The following UBAC2 variants were observed in gnomAD, a reference collection of about 807,000 sequenced individuals.
The protein encoded by UBAC2 is ubiquitin-associated domain-containing protein 2.
A neutral mutation model predicts 44.0 loss-of-function variants in UBAC2; 26 were observed. The observed-to-expected ratio is 0.59, with a 90% CI of 0.43 to 0.82. The LOEUF is 0.82. Ranked by LOEUF, UBAC2 falls within the 40% of genes least tolerant of loss-of-function variation. The pLI is 0.00. For missense variants in UBAC2, 329 were observed against 419.4 expected, an observed-to-expected ratio of 0.78 and a Z score of 1.88; for synonymous variants, 155 against 154.3, an observed-to-expected ratio of 1.00 and a Z score of -0.04.
chr13:99,345,492 CTAAAT>C (rs2044961153), intron 7 of UBAC2, among the ~76,000 whole-genome samples: 1 of 152,046 alleles, frequency 6.6e-6, no homozygotes, highest in Admixed American at 6.5e-5. Context: ...TGTTCACTCC[CTAAAT>C]AGGTTGTTTC....
chr13:99,269,800 T>A (rs2043793800), intron 4 of UBAC2, among the ~76,000 whole-genome samples: 2 of 152,328 alleles, frequency 1.3e-5, no homozygotes, highest in South Asian at 4.1e-4. Context: ...TCAGTAGGCA[T>A]TGCCTGCAGT....
chr13:99,276,113 A>G (rs1566481195), intron 4 of UBAC2, among the ~76,000 whole-genome samples: 1 of 152,188 alleles, frequency 6.6e-6, no homozygotes, highest in Non-Finnish European at 1.5e-5. Context: ...CTGCTTCTAA[A>G]TAATAAATCT....
chr13:99,260,972 A>G (rs1244851440), intron 4 of UBAC2, among the ~76,000 whole-genome samples: 4 of 152,240 alleles, frequency 2.6e-5, no homozygotes, highest in African/African-American at 9.6e-5. Flanking sequence ...TTGAGTGAAT[A>G]TAATTCAGTT....
chr13:99,200,918 AGCACCG>A lies in UBAC2; in HGVS notation c.13_18del (p.Thr5_Gly6del). The A allele has an allele frequency of 7.7e-7, 1 of 1,306,986 alleles. No individual in the cohort carries two copies. The highest frequency in any genetic ancestry group is 9.8e-7 in the Non-Finnish European group (1 of 1,019,504). 81.0% of individuals were successfully genotyped at this position (1,306,986 alleles called of 1,614,324 possible). Reference sequence around the variant, plus strand: ...CGAGCCCGGCGGGACCATGTTCACCAGCACCGGCTCCAGTGGGCTCTGTGAGTACCG... The same window carrying A: ...CGAGCCCGGCGGGACCATGTTCACCAGCTCCAGTGGGCTCTGTGAGTACCG... On this transcript the variant is annotated inframe_deletion, in exon 1 of 9. Transcript: ENST00000403766.
chr13:99,204,671 A>G (rs548022858), intron 1 of UBAC2, among the ~76,000 whole-genome samples: 133 of 151,260 alleles, frequency 8.8e-4, no homozygotes, highest in African/African-American at 3.1e-3. Flanking sequence ...ACGGGCCTGA[A>G]GCGCGACCTG....
In UBAC2 at chr13:99,353,526, AATG is replaced by A. The variant is rs199652984; in HGVS notation, c.807+12971_807+12973del. Among the ~76,000 whole-genome samples, 101 of 152,338 alleles carry A rather than the reference AATG, an allele frequency of 6.6e-4. 1 individual carries two copies. In the East Asian group the frequency reaches 0.013, roughly 20 times the overall value. Reference sequence around the variant, plus strand: ...CTCATGATACCTCAGAAAACAAGCAAATGATGATGATGTACTTGGCTTTTTGAA... The same window carrying A: ...CTCATGATACCTCAGAAAACAAGCAAATGATGATGTACTTGGCTTTTTGAA... On this transcript the variant is annotated intron_variant, in intron 7 of 8. Transcript: ENST00000403766.
chr13:99,239,258 A>C (rs2043273620), intron 2 of UBAC2, among the ~76,000 whole-genome samples: 1 of 152,236 alleles, frequency 6.6e-6, no homozygotes, highest in Non-Finnish European at 1.5e-5. Flanking sequence ...CTTACTGTGC[A>C]GGTCTTTTAG....
chr13:99,296,270 G>T, intron 4 of UBAC2: 1 of 815,106 alleles, frequency 1.2e-6, no homozygotes. Context: ...AATCCAAACT[G>T]TCTTTTATAT....
At chr13:99,221,716 A>G (rs2043054028) in intron 1 of UBAC2, among the ~76,000 whole-genome samples, 2 of 152,102 alleles carry the variant, frequency 1.3e-5, no homozygotes, top group South Asian at 2.1e-4. Flanking sequence ...AGACACATTC[A>G]CAAGGCTTCT....
At chr13:99,378,274 T>G (rs945999016) in intron 8 of UBAC2, among the ~76,000 whole-genome samples, 4 of 152,146 alleles carry the variant, frequency 2.6e-5, no homozygotes, top group Non-Finnish European at 5.9e-5. Flanking sequence ...TGCCTGTAAT[T>G]CCAGCAAGTT....
chr13:99,378,385 G>C (rs1019265267), intron 8 of UBAC2, among the ~76,000 whole-genome samples: 23 of 152,236 alleles, frequency 1.5e-4, no homozygotes, highest in Middle Eastern at 6.8e-3. Flanking sequence ...AAATTAGCCA[G>C]GCATGGTGGC....
intron 1 of UBAC2, among the ~76,000 whole-genome samples, chr13:99,227,011 C>G (rs952108140): frequency 1.3e-5 from 2 of 152,090 alleles, no homozygotes; most frequent in African/African-American, 4.8e-5. Context: ...CCAGCCTGAC[C>G]AACATGGAGA....
At chr13:99,317,978 C>A in intron 5 of UBAC2, 44 bp from the exon 6 acceptor site, 2 of 1,499,070 alleles carry the variant, frequency 1.3e-6, no homozygotes, top group Non-Finnish European at 1.8e-6. Context: ...CTGTGACTGG[C>A]AGTTGAATTT....
intron 4 of UBAC2, among the ~76,000 whole-genome samples, chr13:99,266,743 C>T (rs2043748953): frequency 6.6e-6 from 1 of 152,108 alleles, no homozygotes; most frequent in African/African-American, 2.4e-5. Context: ...ATGTGCAGTT[C>T]AGTAGTGTTA....
chr13:99,323,555 C>T (rs1056364126), intron 6 of UBAC2, among the ~76,000 whole-genome samples: 1 of 152,244 alleles, frequency 6.6e-6, no homozygotes, highest in South Asian at 2.1e-4. Flanking sequence ...TCTTAAGAAG[C>T]ATCCAAATTT....
At chr13:99,272,587 A>G (rs543378857) in intron 4 of UBAC2, among the ~76,000 whole-genome samples, 2 of 152,254 alleles carry the variant, frequency 1.3e-5, no homozygotes, top group South Asian at 4.1e-4. Flanking sequence ...GGCATGGTCA[A>G]GTTCTGGTGA....
chr13:99,384,588 C>T (rs1229049815), intron 8 of UBAC2, among the ~76,000 whole-genome samples: 1 of 152,250 alleles, frequency 6.6e-6, no homozygotes, highest in Non-Finnish European at 1.5e-5. Context: ...GGCTCAGCCC[C>T]ACTTTGCTGC....
At chr13:99,266,618 T>C (rs1052159671) in intron 4 of UBAC2, among the ~76,000 whole-genome samples, 2 of 152,192 alleles carry the variant, frequency 1.3e-5, no homozygotes, top group Middle Eastern at 3.2e-3. Context: ...TTAACTCTTA[T>C]TTGTATCTGA....
chr13:99,277,055 A>C (rs1218815768), intron 4 of UBAC2, among the ~76,000 whole-genome samples: 2 of 152,216 alleles, frequency 1.3e-5, no homozygotes, highest in Non-Finnish European at 2.9e-5. Context: ...CAGGTTTGCC[A>C]AGATAGCTAC....
Sources: gnomAD v4.1 joint callset for allele counts (sites outside exome capture counted in the v4.1 genomes callset) on GRCh38, gnomAD v4.1.1 for gene constraint, MANE v1.5 for transcripts, NCBI Gene and HGNC (gene_info 2026-07-23, HGNC 2026-07-21) for gene names.